CLPTM1L: variants seen among roughly 807,000 people sequenced by gnomAD.
CLPTM1L encodes CLPTM1 like, also known as lipid scramblase CLPTM1L.
Under a neutral mutation model 70.9 loss-of-function variants are expected in CLPTM1L, and 38 were observed. The ratio of observed to expected loss-of-function variants is 0.54; its 90% CI spans 0.41 to 0.70. The LOEUF is 0.70. Among genes scored for constraint, CLPTM1L ranks in the 30% least tolerant of loss-of-function variants. The pLI is 0.00. For missense variants in CLPTM1L, 652 were observed against 705.9 expected (o/e 0.92, Z 0.87); for synonymous variants, 339 against 299.9 (o/e 1.13, Z -1.35).
In CLPTM1L at chr5:1,320,650, C is replaced by T. The variant is rs1346369634; in HGVS notation, c.1498G>A (p.Asp500Asn). ...TACAGGTAGACCAGAAACACCACGT[C>T]GTCCCGGAAGCAGGCCAGCCGGTGA... ...TSHRLACFRDDVVFLVYLYQR... is the reference protein window; with the variant it reads ...TSHRLACFRDNVVFLVYLYQR... Residue 500 changes from aspartate to asparagine, a missense_variant, in exon 16 of 17, where the codon GAC becomes AAC. Transcript: ENST00000320895. The T allele has an allele frequency of 1.9e-6, 3 of 1,546,204 alleles. No individual in the cohort carries two copies. The highest frequency in any genetic ancestry group is 2.6e-6 in the Non-Finnish European group (3 of 1,144,442).
In CLPTM1L at chr5:1,329,242, C is replaced by T. The variant is rs73024256; in HGVS notation, c.1080+1038G>A. On this transcript the variant is annotated intron_variant, in intron 9 of 16. Transcript: ENST00000320895. ...CCGGCTTTTCTGAGCTCCGGAACAA[C>T]CAAGGCTGGACCACAGGGCACCGAG... Among the ~76,000 whole-genome samples the T allele has an allele frequency of 7.7e-3, 1,166 of 152,384 alleles. 13 individuals are homozygous for T. Among genetic ancestry groups the T allele is most frequent in the African/African-American group, 0.026 (1,083 of 41,594 alleles).
intron 7 of CLPTM1L, among the ~76,000 whole-genome samples, chr5:1,333,383 A>G (rs491791): frequency 0.053 from 129 of 2,412 alleles, no homozygotes; most frequent in Middle Eastern, 0.5. Flanking sequence ...TATACACACC[A>G]GATGAGGATA....
chr5:1,330,439 C>T, intron 8 of CLPTM1L, 56 bp from the exon 9 acceptor site: 2 of 1,437,054 alleles, frequency 1.4e-6, no homozygotes, highest in Non-Finnish European at 9.8e-7. Flanking sequence ...CACCTGTGTT[C>T]CCCAAGTCAC....
intron 11 of CLPTM1L, 125 bp from the exon 12 acceptor site, chr5:1,323,994 G>C (rs970796995): frequency 1.3e-6 from 1 of 755,008 alleles, no homozygotes; most frequent in Non-Finnish European, 2.3e-6. Context: ...TGGCAGGGCT[G>C]CTCTGCAGGG....
intron 3 of CLPTM1L, 91 bp from the exon 4 acceptor site, chr5:1,339,096 C>G: frequency 1.4e-6 from 2 of 1,439,304 alleles, no homozygotes; most frequent in Non-Finnish European, 1.9e-6. Flanking sequence ...AACAGAACGG[C>G]CACACAGACA....
intron 12 of CLPTM1L, 53 bp from the exon 13 acceptor site, chr5:1,322,964 T>C (rs1265533612): frequency 6.7e-7 from 1 of 1,498,492 alleles, no homozygotes; most frequent in Non-Finnish European, 9.3e-7. Flanking sequence ...TTAATATCTG[T>C]ATTAAATTGA....
chr5:1,340,196 T>A (rs1753852607), intron 3 of CLPTM1L, among the ~76,000 whole-genome samples: 1 of 152,148 alleles, frequency 6.6e-6, no homozygotes, highest in Non-Finnish European at 1.5e-5. Flanking sequence ...TCTCAGAAGT[T>A]GAGAGGGTGA....
intron 7 of CLPTM1L, among the ~76,000 whole-genome samples, chr5:1,333,933 G>A (rs1036112876): frequency 3.9e-5 from 6 of 152,096 alleles, no homozygotes; most frequent in Middle Eastern, 3.2e-3. Flanking sequence ...GCATGGGGTC[G>A]GGGCCTGGGC....
At chr5:1,319,261 C>T (rs1207261943) in intron 16 of CLPTM1L, among the ~76,000 whole-genome samples, 1 of 150,564 alleles carries the variant, frequency 6.6e-6, no homozygotes, top group Non-Finnish European at 1.5e-5. Context: ...AGGAACCAAG[C>T]CCCGTGTGAG....
chr5:1,335,577 T>TG (rs1753526030), intron 5 of CLPTM1L, among the ~76,000 whole-genome samples: 1 of 152,222 alleles, frequency 6.6e-6, no homozygotes, highest in Non-Finnish European at 1.5e-5. Flanking sequence ...TCCTAAGAGT[T>TG]GGAGACCACG....
Position 1,344,469 on chromosome 5 carries a change from T to G in CLPTM1L, c.163-18A>C, listed in dbSNP as rs1560875514. 11 of 1,606,276 alleles carry G rather than the reference T, an allele frequency of 6.8e-6. No individual in the cohort carries two copies. ...ACGCTCAGCTGGAAAGGAGGGGGCG[T>G]CGAGAGTCAGCTCGGCCAGGCCCTG... On this transcript the variant is annotated intron_variant, in intron 1 of 16. Transcript: ENST00000320895.
chr5:1,324,703 C>A (rs62329693), intron 11 of CLPTM1L, 60 bp downstream of exon 11: 117,463 of 1,443,528 alleles, frequency 0.081, 5,466 homozygotes, highest in Non-Finnish European at 0.092. Context: ...GTAAAAGACC[C>A]GTCTTTGAGG....
intron 8 of CLPTM1L, 70 bp downstream of exon 8, chr5:1,331,729 C>T (rs1753104127): frequency 7.4e-7 from 1 of 1,342,966 alleles, no homozygotes; most frequent in Non-Finnish European, 1.1e-6. Context: ...GGCAGGCAGC[C>T]CTCTACCGCA....
intron 13 of CLPTM1L, among the ~76,000 whole-genome samples, chr5:1,322,424 G>A (rs147476555): frequency 2.5e-3 from 378 of 152,320 alleles, no homozygotes; most frequent in African/African-American, 8.5e-3. Context: ...AGGAGGGGGC[G>A]CGCCGTGCAC....
Position 1,331,794 on chromosome 5 carries a change from C to G in CLPTM1L, c.976+5G>C. The stretch of plus-strand genomic sequence containing the variant: ...TCTGAGCAGGGCCACGCTCGGGGGG[C>G]CTACCTGCCTTGGTGGACATGCCGA... On this transcript the variant is annotated splice_donor_5th_base_variant and intron_variant, in intron 8 of 16. Transcript: ENST00000320895. The G allele has an allele frequency of 3.7e-6, 6 of 1,612,888 alleles. No homozygotes were observed. The highest frequency in any genetic ancestry group is 4.2e-6 in the Non-Finnish European group (5 of 1,179,802).
Position 1,327,746 on chromosome 5 carries a change from G to C in CLPTM1L, c.1081-1930C>G, listed in dbSNP as rs1471321193. Reference sequence around the variant, plus strand: ...TTTCATCCAGCTCCTCCTCTACAGGGACATTCCACCCAGCTCCTCCTCTAC... The same window carrying C: ...TTTCATCCAGCTCCTCCTCTACAGGCACATTCCACCCAGCTCCTCCTCTAC... On this transcript the variant is annotated intron_variant, in intron 9 of 16. Coordinates refer to ENST00000320895, the MANE Select transcript of CLPTM1L (RefSeq NM_030782.5). 1.6e-4 allele frequency among the ~76,000 whole-genome samples: 19 copies of C among 121,250 alleles called. 1 individual carries two copies. Among genetic ancestry groups the C allele is most frequent in the Middle Eastern group, 6.2e-3 (1 of 162 alleles). The allele number at this position is 121,250 out of a possible 152,430, so 79.5% of individuals were successfully genotyped here.
At chr5:1,323,047 G>A in intron 12 of CLPTM1L, 136 bp from the exon 13 acceptor site, 1 of 855,796 alleles carries the variant, frequency 1.2e-6, no homozygotes, top group Non-Finnish European at 1.9e-6. Context: ...GCAGCCAAGA[G>A]CAGCAGTGCT....
At position 1,318,221 on chromosome 5, in the gene CLPTM1L, G is replaced by A. The variant is rs1751943606; in HGVS notation, c.*148C>T. On this transcript the variant is annotated 3_prime_UTR_variant, in exon 17 of 17. Coordinates refer to ENST00000320895, the MANE Select transcript of CLPTM1L (RefSeq NM_030782.5). This position sits in a 1 kb window ranked among gnomAD's most constrained non-coding sequence, Gnocchi z 8.9. The stretch of plus-strand genomic sequence containing the variant: ...AAGCGCTACCAGCTCCAAATCTGAC[G>A]TGATGGGAACTTGGGAGATGTCTGA... 1.5e-5 allele frequency: 10 copies of A among 648,894 alleles called. No homozygotes were observed. The highest frequency in any genetic ancestry group is 5.1e-5 in the Admixed American group (2 of 39,588). 40.2% of individuals were successfully genotyped at this position (648,894 alleles called of 1,614,324 possible).
intron 4 of CLPTM1L, chr5:1,338,432 G>C (rs73024276): frequency 0.028 from 7,632 of 270,350 alleles, 253 homozygotes; most frequent in African/African-American, 0.097. Context: ...CCAACACATG[G>C]GAGAGACGAG....
Sources: gnomAD v4.1 joint callset for allele counts (sites outside exome capture counted in the v4.1 genomes callset) on GRCh38, gnomAD v4.1.1 for gene constraint, Gnocchi (gnomAD v3.1) non-coding constraint, MANE v1.5 for transcripts, NCBI Gene and HGNC (gene_info 2026-07-23, HGNC 2026-07-21) for gene names.